Variants in SLC36A1 observed in about 807,000 individuals in gnomAD.
The protein encoded by SLC36A1 is solute carrier family 36 member 1.
A neutral mutation model predicts 47.5 loss-of-function variants in SLC36A1; 30 were observed. The observed-to-expected ratio is 0.63, with a 90% CI of 0.47 to 0.86. The LOEUF is 0.86. Ranked by LOEUF, SLC36A1 falls within the 40% of genes least tolerant of loss-of-function variation. SLC36A1 has a pLI of 0.00. For missense variants in SLC36A1, 517 were observed against 606.0 expected (o/e 0.85, Z 1.54); for synonymous variants, 255 against 249.7 (o/e 1.02, Z -0.20).
chr5:151,551,501 T>C, the SLC36A1 span: 1 of 1,614,182 alleles, frequency 6.2e-7, no homozygotes, highest in Non-Finnish European at 8.5e-7. Context: ...ATCTGTCACC[T>C]CAACAGTCAA....
At chr5:151,433,065 T>C (rs1759463314), upstream of SLC36A1, among the ~76,000 whole-genome samples, 2 of 151,052 alleles carry the variant, frequency 1.3e-5, no homozygotes, top group African/African-American at 4.9e-5. Context: ...TACATGGAGG[T>C]AGAAAATGAA....
At chr5:151,478,991 C>T (rs891724465) in intron 9 of SLC36A1, among the ~76,000 whole-genome samples, 1 of 152,240 alleles carries the variant, frequency 6.6e-6, no homozygotes, top group African/African-American at 2.4e-5. Flanking sequence ...CACCATCACA[C>T]CTAGAGTTCT....
At chr5:151,500,867 C>G in the SLC36A1 span, among the ~76,000 whole-genome samples, 3 of 152,336 alleles carry the variant, frequency 2.0e-5, no homozygotes, top group East Asian at 3.9e-4. Flanking sequence ...TAGGCCTCCC[C>G]GCAGGCCCAG....
chr5:151,472,186 G>A (rs577403627), intron 7 of SLC36A1, among the ~76,000 whole-genome samples: 1 of 152,234 alleles, frequency 6.6e-6, no homozygotes, highest in Non-Finnish European at 1.5e-5. Flanking sequence ...AGGCTGAGGA[G>A]CAAGGAAGCC....
rs1756141976 is a variant in SLC36A1, at chr5:151,465,067, C to T, written c.324-7C>T. ...TCTGTCCTTCCTCTTCCCTCCTACT[C>T]TTCCAGGCTGAATAAATCCTTTGTG... On this transcript the variant is annotated splice_region_variant and splice_polypyrimidine_tract_variant and intron_variant, in intron 4 of 10. Coordinates refer to ENST00000243389, the MANE Select transcript of SLC36A1 (RefSeq NM_078483.4). The T allele has an allele frequency of 6.2e-7, 1 of 1,610,042 alleles. No individual in the cohort carries two copies. The highest frequency in any genetic ancestry group is 1.3e-5 in the African/African-American group (1 of 75,002).
At chr5:151,426,006 A>ATCTATCTATCTATCTATC in the SLC36A1 span, among the ~76,000 whole-genome samples, 1 of 69,604 alleles carries the variant, frequency 1.4e-5, no homozygotes, top group Non-Finnish European at 2.9e-5. Context: ...ATCTATCTAT[A>ATCTATCTATCTATCTATC]CCTATGTCCA....
the SLC36A1 span, chr5:151,544,356 T>C: frequency 1.2e-6 from 2 of 1,614,206 alleles, no homozygotes; most frequent in Non-Finnish European, 1.7e-6. Context: ...GGACTTCCAC[T>C]GTGGCTTCAG....
intron 10 of SLC36A1, among the ~76,000 whole-genome samples, chr5:151,485,677 T>C (rs1191251797): frequency 2.6e-5 from 4 of 152,190 alleles, no homozygotes; most frequent in Non-Finnish European, 4.4e-5. Flanking sequence ...TCTCTTTCCA[T>C]AGGACTGTAG....
chr5:151,529,909 G>A, the SLC36A1 span, among the ~76,000 whole-genome samples: 1 of 152,174 alleles, frequency 6.6e-6, no homozygotes, highest in African/African-American at 2.4e-5. Flanking sequence ...AAAGAACAAG[G>A]ATTTATCCTG....
At chr5:151,383,477 T>C in the SLC36A1 span, among the ~76,000 whole-genome samples, 1 of 151,924 alleles carries the variant, frequency 6.6e-6, no homozygotes, top group South Asian at 2.1e-4. Context: ...AATATATCAC[T>C]CCAAACACTA....
At chr5:151,467,418 A>G (rs775305290) in intron 6 of SLC36A1, 135 bp downstream of exon 6, 3 of 682,270 alleles carry the variant, frequency 4.4e-6, no homozygotes, top group Non-Finnish European at 7.4e-6. Context: ...CATATTTTAC[A>G]TAGATCTACG....
Position 151,488,253 on chromosome 5 carries a change from A to G in SLC36A1, c.1430A>G (p.Ter477TrpextTer117), listed in dbSNP as rs1449065514. 16 of 1,613,708 alleles carry G rather than the reference A, an allele frequency of 9.9e-6. No individual in the cohort carries two copies. The highest frequency in any genetic ancestry group is 1.4e-5 in the Non-Finnish European group (16 of 1,179,852). ...ATCAATTCCACCTGTGCCTTCATAT[A>G]GGGATCTGGGTTCGTCTCTGCAGCT... ...IFINSTCAFI* is the reference protein window; with the variant it reads ...IFINSTCAFIW The change falls in exon 11 of 11, where the codon TAG (stop) becomes TGG (tryptophan). Residue 477 changes from the stop codon to tryptophan (W), a stop_lost. Coordinates refer to ENST00000243389, the MANE Select transcript of SLC36A1 (RefSeq NM_078483.4).
the SLC36A1 span, among the ~76,000 whole-genome samples, chr5:151,519,458 C>A: frequency 6.6e-6 from 1 of 152,132 alleles, no homozygotes; most frequent in African/African-American, 2.4e-5. Flanking sequence ...AAATTCCCAC[C>A]CCGGCTGGAT....
chr5:151,551,694 G>T, the SLC36A1 span: 1 of 1,419,550 alleles, frequency 7.0e-7, no homozygotes, highest in Non-Finnish European at 9.7e-7. Context: ...AGGCTCAGAG[G>T]ACACGGTGGT....
chr5:151,464,275 T>G (rs1049764507), intron 3 of SLC36A1, among the ~76,000 whole-genome samples: 1 of 152,182 alleles, frequency 6.6e-6, no homozygotes, highest in Non-Finnish European at 1.5e-5. Context: ...AGACTTATCT[T>G]ATGTCCTTCT....
intron 10 of SLC36A1, among the ~76,000 whole-genome samples, chr5:151,483,475 C>T (rs1187752708): frequency 1.4e-5 from 2 of 138,532 alleles, no homozygotes; most frequent in Non-Finnish European, 3.0e-5. Context: ...ATTTGTTATA[C>T]AAATGTCTTC....
the SLC36A1 span, among the ~76,000 whole-genome samples, chr5:151,540,040 G>A: frequency 6.6e-6 from 1 of 152,242 alleles, no homozygotes; most frequent in Non-Finnish European, 1.5e-5. Context: ...TTTGATAATA[G>A]TGAGCCATGT....
chr5:151,434,834 C>T (rs553541927), upstream of SLC36A1, among the ~76,000 whole-genome samples: 60 of 152,234 alleles, frequency 3.9e-4, no homozygotes, highest in African/African-American at 1.3e-3. Flanking sequence ...GACACAGGAT[C>T]GGCTGGCAAC....
At chr5:151,467,046 C>T (rs1007285938) in intron 5 of SLC36A1, among the ~76,000 whole-genome samples, 153 bp from the exon 6 acceptor site, 5 of 152,152 alleles carry the variant, frequency 3.3e-5, no homozygotes, top group African/African-American at 1.2e-4. Flanking sequence ...ACTAAACGCC[C>T]AGGCACTACC....
Sources: gnomAD v4.1 joint callset for allele counts (sites outside exome capture counted in the v4.1 genomes callset) on GRCh38, gnomAD v4.1.1 for gene constraint, MANE v1.5 for transcripts, NCBI Gene and HGNC (gene_info 2026-07-23, HGNC 2026-07-21) for gene names.